KLF12: variants seen among roughly 807,000 people sequenced by gnomAD.
KLF12 encodes the protein Krueppel-like factor 12.
KLF12 carries 9 observed loss-of-function variants against 37.8 expected under a neutral mutation model. The ratio of observed to expected loss-of-function variants is 0.24; its 90% CI spans 0.14 to 0.42. KLF12 has a LOEUF of 0.42. Ranked by LOEUF, KLF12 falls within the 10% of genes least tolerant of loss-of-function variation. The pLI is 1.00. For synonymous variants in KLF12, 208 were observed against 202.1 expected (o/e 1.03, Z -0.25); for missense variants, 411 against 516.0 (o/e 0.80, Z 1.97).
At position 73,804,556 on chromosome 13, in the gene KLF12, A is replaced by G. The variant is rs572582237; in HGVS notation, c.806+8596T>C. Among the ~76,000 whole-genome samples the G allele has an allele frequency of 4.6e-5, 7 of 152,188 alleles. No individual in the cohort carries two copies. In the South Asian group the frequency reaches 8.3e-4, roughly 18 times the overall value. ...CAGACTGAGTTACTAAGGGATCACTATTTTTAATTTTTTGAAGCTTAGAAG... is the reference window on the plus strand; with the variant it reads ...CAGACTGAGTTACTAAGGGATCACTGTTTTTAATTTTTTGAAGCTTAGAAG... On this transcript the variant is annotated intron_variant, in intron 5 of 7. Coordinates refer to ENST00000377669, the MANE Select transcript of KLF12 (RefSeq NM_007249.5).
intron 3 of KLF12, among the ~76,000 whole-genome samples, chr13:73,932,024 A>C (rs1364371224): frequency 6.6e-6 from 1 of 151,730 alleles, no homozygotes; most frequent in African/African-American, 2.4e-5. Context: ...GTGTAACCAC[A>C]GTTAAAAAAA....
At chr13:73,758,084 A>T (rs151275671) in intron 6 of KLF12, among the ~76,000 whole-genome samples, 1 of 129,748 alleles carries the variant, frequency 7.7e-6, no homozygotes, top group Non-Finnish European at 1.8e-5. Flanking sequence ...TTTTAGAGAC[A>T]GGGGTTGGTC....
Position 73,738,947 on chromosome 13 carries a change from G to A in KLF12, c.870-23422C>T, listed in dbSNP as rs370153810. Among the ~76,000 whole-genome samples the A allele has an allele frequency of 1.4e-4, 21 of 152,198 alleles. No individual in the cohort carries two copies. In the East Asian group the frequency reaches 3.1e-3, roughly 22 times the overall value. ...CTTTCTATAAAACGGAATAAATAAC[G>A]TACTTGGCTGGGCGTAGTGGCTCAT... On this transcript the variant is annotated intron_variant, in intron 6 of 7. Coordinates refer to ENST00000377669, the MANE Select transcript of KLF12 (RefSeq NM_007249.5).
At chr13:74,212,994 A>G in the KLF12 span, among the ~76,000 whole-genome samples, 14 of 152,160 alleles carry the variant, frequency 9.2e-5, no homozygotes, top group African/African-American at 3.4e-4. Context: ...GCACTAATAA[A>G]AAGTATAATA....
rs186879546 is a variant in KLF12 at position 73,758,117 on chromosome 13, C to G, written c.869+6821G>C. On this transcript the variant is annotated intron_variant, in intron 6 of 7. Transcript: ENST00000377669. ...GTCTTGCTATGTTGCCTGGGCTGGT[C>G]TTGAACTCCTGGGCTCAAGGGATCC... Among the ~76,000 whole-genome samples the G allele has an allele frequency of 7.4e-4, 112 of 151,998 alleles. 1 individual carries two copies. Among genetic ancestry groups the G allele is most frequent in the Non-Finnish European group, 1.4e-3 (92 of 67,968 alleles).
At chr13:73,814,934 C>G (rs9573304) in intron 4 of KLF12, among the ~76,000 whole-genome samples, 45,009 of 151,762 alleles carry the variant, frequency 0.3, 6,885 homozygotes, top group East Asian at 0.54. Context: ...GACATAAAAA[C>G]GTGTCACAGT....
At chr13:73,934,992 T>TA (rs1889864273) in intron 3 of KLF12, among the ~76,000 whole-genome samples, 5 of 147,656 alleles carry the variant, frequency 3.4e-5, no homozygotes, top group Non-Finnish European at 7.5e-5. Flanking sequence ...TTTATTTATT[T>TA]TGAGACAGAT....
intron 4 of KLF12, among the ~76,000 whole-genome samples, chr13:73,830,783 G>A (rs1884107980): frequency 1.3e-5 from 2 of 152,274 alleles, no homozygotes; most frequent in Non-Finnish European, 2.9e-5. Context: ...GCTCTAGGCA[G>A]GGGCCAGATA....
intron 6 of KLF12, among the ~76,000 whole-genome samples, chr13:73,736,579 G>A (rs9543434): frequency 0.083 from 12,654 of 152,166 alleles, 619 homozygotes; most frequent in South Asian, 0.16. Context: ...AGATCATATT[G>A]TCAAGCAGGA....
the KLF12 span, among the ~76,000 whole-genome samples, chr13:74,229,461 C>A: frequency 6.6e-6 from 1 of 152,130 alleles, no homozygotes; most frequent in African/African-American, 2.4e-5. Context: ...ATGGTGTGCT[C>A]AGCTGCTTGT....
At chr13:73,864,192 A>T (rs184168636) in intron 3 of KLF12, among the ~76,000 whole-genome samples, 1 of 152,246 alleles carries the variant, frequency 6.6e-6, no homozygotes, top group African/African-American at 2.4e-5. Flanking sequence ...AGTTTAAGTA[A>T]TTACTCCCTA....
At chr13:74,001,046 G>A (rs139108691) in intron 1 of KLF12, among the ~76,000 whole-genome samples, 1 of 152,252 alleles carries the variant, frequency 6.6e-6, no homozygotes, top group East Asian at 1.9e-4. Flanking sequence ...ATAAACATGT[G>A]CCATTTGGAC....
intron 5 of KLF12, among the ~76,000 whole-genome samples, chr13:73,799,743 T>C (rs983085361): frequency 1.3e-5 from 2 of 152,118 alleles, no homozygotes; most frequent in African/African-American, 4.8e-5. Context: ...TATTATATAT[T>C]AGAAAAAGTG....
At chr13:74,140,423 G>T in the KLF12 span, among the ~76,000 whole-genome samples, 2 of 152,170 alleles carry the variant, frequency 1.3e-5, no homozygotes, top group African/African-American at 4.8e-5. Context: ...TACTCAGGAG[G>T]CTGAGGTGGG....
At chr13:74,053,908 G>T (rs1873086234) in intron 1 of KLF12, among the ~76,000 whole-genome samples, 1 of 152,082 alleles carries the variant, frequency 6.6e-6, no homozygotes, top group Admixed American at 6.5e-5. Flanking sequence ...GTCATTAAAA[G>T]AACTAAGGAT....
intron 5 of KLF12, among the ~76,000 whole-genome samples, chr13:73,798,334 C>CA (rs1355688743): frequency 2.0e-5 from 3 of 152,058 alleles, no homozygotes; most frequent in African/African-American, 7.2e-5. Context: ...ACAACCTAGG[C>CA]AATACCAACC....
chr13:73,895,822 CTTTTTTTT>C (rs201728570), intron 3 of KLF12, among the ~76,000 whole-genome samples: 2 of 144,046 alleles, frequency 1.4e-5, no homozygotes, highest in African/African-American at 2.6e-5. Context: ...CCATGGAATT[CTTTTTTTT>C]TTTTTTTTGA....
At chr13:73,767,659 C>T (rs910851428) in intron 5 of KLF12, among the ~76,000 whole-genome samples, 1 of 152,198 alleles carries the variant, frequency 6.6e-6, no homozygotes, top group Non-Finnish European at 1.5e-5. Flanking sequence ...TATTTATATA[C>T]ACTTACTCAT....
chr13:74,119,686 G>A (rs1877511747), intron 1 of KLF12, among the ~76,000 whole-genome samples: 1 of 152,126 alleles, frequency 6.6e-6, no homozygotes, highest in African/African-American at 2.4e-5. Flanking sequence ...GGGGAGAGGT[G>A]CAGAAGATTC....
Sources: allele counts gnomAD v4.1 joint callset (sites outside exome capture counted in the v4.1 genomes callset), GRCh38; gene constraint gnomAD v4.1.1; transcripts MANE v1.5; gene names NCBI Gene and HGNC (gene_info 2026-07-23, HGNC 2026-07-21).